Variants in GPM6A observed in about 807,000 individuals in gnomAD.
The protein encoded by GPM6A is neuronal membrane glycoprotein M6-a.
In GPM6A, 7 loss-of-function variants were observed where a neutral mutation model predicts 32.1. The ratio of observed to expected loss-of-function variants is 0.22; its 90% CI spans 0.12 to 0.41. The LOEUF is 0.41. GPM6A is among the 10% of genes least tolerant of loss of function. GPM6A has a pLI of 1.00. For missense variants in GPM6A, 235 were observed against 347.2 expected, an observed-to-expected ratio of 0.68 and a Z score of 2.57; for synonymous variants, 130 against 123.4, an observed-to-expected ratio of 1.05 and a Z score of -0.35.
chr4:175,842,475 G>A (rs1325330405), intron 1 of GPM6A, among the ~76,000 whole-genome samples: 2 of 152,076 alleles, frequency 1.3e-5, no homozygotes, highest in Non-Finnish European at 2.9e-5. Flanking sequence ...GTTCACACTT[G>A]TGATCCCAAC....
chr4:175,661,622 T>C (rs1411642931), intron 3 of GPM6A, among the ~76,000 whole-genome samples: 2 of 152,136 alleles, frequency 1.3e-5, no homozygotes, highest in Non-Finnish European at 2.9e-5. Flanking sequence ...AGCCCCTCCA[T>C]TGTGACCTTC....
intron 4 of GPM6A, among the ~76,000 whole-genome samples, chr4:175,645,677 C>G (rs952625585): frequency 1.3e-5 from 2 of 151,992 alleles, no homozygotes; most frequent in Admixed American, 1.3e-4. Context: ...ACCGAGATGG[C>G]GCCACTGCAC....
intron 1 of GPM6A, among the ~76,000 whole-genome samples, chr4:175,784,663 T>G (rs1041069806): frequency 6.6e-6 from 1 of 152,186 alleles, no homozygotes; most frequent in African/African-American, 2.4e-5. Context: ...AAACAAATTA[T>G]GATGATTATA....
intron 1 of GPM6A, among the ~76,000 whole-genome samples, chr4:175,765,428 A>G (rs138375350): frequency 0.015 from 2,301 of 152,296 alleles, 144 homozygotes; most frequent in Admixed American, 0.12. Flanking sequence ...GTATTTTGTG[A>G]GTACATGTGA....
intron 2 of GPM6A, among the ~76,000 whole-genome samples, chr4:175,686,219 T>TA (rs879525341): frequency 1.2e-4 from 19 of 152,176 alleles, no homozygotes; most frequent in African/African-American, 3.1e-4. Flanking sequence ...TGGTCAGCTA[T>TA]AAAAAACCTC....
intron 1 of GPM6A, among the ~76,000 whole-genome samples, chr4:175,878,573 C>G (rs989189947): frequency 4.6e-5 from 7 of 152,092 alleles, no homozygotes; most frequent in African/African-American, 9.7e-5. Context: ...ACAGCTGGGA[C>G]AGGGCACCAG....
At chr4:175,861,749 G>GAAAAAAAAAAAAAAA (rs10716525) in intron 1 of GPM6A, among the ~76,000 whole-genome samples, 1 of 87,238 alleles carries the variant, frequency 1.1e-5, no homozygotes, top group Non-Finnish European at 2.2e-5. Flanking sequence ...AAGAGACTCT[G>GAAAAAAAAAAAAAAA]AAAAAAAAAA....
chr4:175,774,477 A>G (rs1733315223), intron 1 of GPM6A, among the ~76,000 whole-genome samples: 1 of 152,108 alleles, frequency 6.6e-6, no homozygotes, highest in Admixed American at 6.5e-5. Context: ...AATTTAACTC[A>G]GTAAAATAAT....
At chr4:175,652,789 T>G (rs1307423104) in intron 3 of GPM6A, among the ~76,000 whole-genome samples, 1 of 152,092 alleles carries the variant, frequency 6.6e-6, no homozygotes, top group Non-Finnish European at 1.5e-5. Flanking sequence ...ATGTATGAAT[T>G]AGTGGATGGA....
At chr4:175,902,288 GTAGT>G (rs1737992551) in intron 1 of GPM6A, among the ~76,000 whole-genome samples, 1 of 152,280 alleles carries the variant, frequency 6.6e-6, no homozygotes, top group African/African-American at 2.4e-5. Flanking sequence ...AATTATTTAG[GTAGT>G]TAGTGATGGT....
chr4:175,867,495 T>A (rs560950674), intron 1 of GPM6A, among the ~76,000 whole-genome samples: 1 of 152,100 alleles, frequency 6.6e-6, no homozygotes, highest in Non-Finnish European at 1.5e-5. Flanking sequence ...AGCACATTTG[T>A]TGAAAAAAAA....
rs1733726764 is a variant in GPM6A, at chr4:175,784,571, A to G, written c.37+27620T>C. Reference sequence around the variant, plus strand: ...GCAATGCTTTTGTAAATGTAAAATTATTTCAAAATTAAACAATTGAAGGAG... The same window carrying G: ...GCAATGCTTTTGTAAATGTAAAATTGTTTCAAAATTAAACAATTGAAGGAG... On this transcript the variant is annotated intron_variant, in intron 1 of 6. Coordinates refer to ENST00000393658, the MANE Select transcript of GPM6A (RefSeq NM_201591.3). Among the ~76,000 whole-genome samples the G allele has an allele frequency of 4.6e-5, 7 of 152,206 alleles. No individual in the cohort carries two copies. The South Asian group carries it at 1.4e-3, about 31-fold the overall frequency.
chr4:175,816,883 C>T (rs1035957240), upstream of GPM6A, among the ~76,000 whole-genome samples: 14 of 150,898 alleles, frequency 9.3e-5, no homozygotes, highest in African/African-American at 2.4e-4. Flanking sequence ...TTTTTTGAGA[C>T]GGAGTCTCGC....
At chr4:175,799,059 C>T (rs1407662812) in intron 1 of GPM6A, among the ~76,000 whole-genome samples, 1 of 152,160 alleles carries the variant, frequency 6.6e-6, no homozygotes, top group African/African-American at 2.4e-5. Flanking sequence ...AGTCTACCCT[C>T]TCCTTTCCTT....
At chr4:175,767,101 C>G (rs892914963) in intron 1 of GPM6A, among the ~76,000 whole-genome samples, 2 of 152,138 alleles carry the variant, frequency 1.3e-5, no homozygotes, top group African/African-American at 4.8e-5. Context: ...TCACTTCTTC[C>G]ATTTTATTAT....
At chr4:175,718,248 A>T (rs1745940402) in intron 1 of GPM6A, among the ~76,000 whole-genome samples, 1 of 152,232 alleles carries the variant, frequency 6.6e-6, no homozygotes, top group Admixed American at 6.5e-5. Flanking sequence ...ATTTTCATTT[A>T]TATTTTACTA....
At chr4:175,764,893 T>C (rs1345427066) in intron 1 of GPM6A, among the ~76,000 whole-genome samples, 4 of 149,790 alleles carry the variant, frequency 2.7e-5, no homozygotes, top group African/African-American at 9.8e-5. Flanking sequence ...ATTATTTTGA[T>C]ACAGAGTTTC....
At chr4:175,838,608 T>C (rs2111380656) in intron 1 of GPM6A, among the ~76,000 whole-genome samples, 1 of 150,756 alleles carries the variant, frequency 6.6e-6, no homozygotes, top group East Asian at 2.0e-4. Flanking sequence ...AGGAAAACTT[T>C]ATGTGAACAA....
At chr4:175,823,927 G>A (rs1041857722) in intron 1 of GPM6A, among the ~76,000 whole-genome samples, 1 of 152,138 alleles carries the variant, frequency 6.6e-6, no homozygotes, top group African/African-American at 2.4e-5. Context: ...GGCAATCAAG[G>A]TGAAAGGCCC....
Sources: allele counts gnomAD v4.1 joint callset (sites outside exome capture counted in the v4.1 genomes callset), GRCh38; gene constraint gnomAD v4.1.1; transcripts MANE v1.5; gene names NCBI Gene and HGNC (gene_info 2026-07-23, HGNC 2026-07-21).